Variants in SNX29 observed in about 807,000 individuals in gnomAD.
SNX29 encodes sorting nexin 29.
SNX29 carries 78 observed loss-of-function variants against 102.1 expected under a neutral mutation model. The observed-to-expected ratio is 0.76, with a 90% CI of 0.64 to 0.92. The LOEUF is 0.92. Ranked by LOEUF, SNX29 falls within the 40% of genes least tolerant of loss-of-function variation. The pLI is 0.00. For synonymous variants in SNX29, 580 were observed against 414.5 expected, an observed-to-expected ratio of 1.40 and a Z score of -4.85; for missense variants, 1,280 against 1,061.7, an observed-to-expected ratio of 1.21 and a Z score of -2.86.
chr16:12,349,261 G>A (rs934331323), intron 15 of SNX29, among the ~76,000 whole-genome samples: 2 of 152,214 alleles, frequency 1.3e-5, no homozygotes, highest in African/African-American at 4.8e-5. Context: ...TAATAACTGG[G>A]ATTCAGATTT....
intron 14 of SNX29, among the ~76,000 whole-genome samples, chr16:12,218,444 G>A (rs1309988804): frequency 1.3e-5 from 2 of 152,172 alleles, no homozygotes; most frequent in South Asian, 2.1e-4. Flanking sequence ...AAGTTTTATT[G>A]GATCATGGCC....
intron 16 of SNX29, among the ~76,000 whole-genome samples, chr16:12,364,868 T>C (rs547402839): frequency 6.6e-6 from 1 of 152,302 alleles, no homozygotes; most frequent in Non-Finnish European, 1.5e-5. Flanking sequence ...TGCTGTCGGC[T>C]CCTTCCCCAC....
intron 4 of SNX29, 87 bp from the exon 5 acceptor site, chr16:12,042,810 C>T: frequency 7.2e-7 from 1 of 1,394,368 alleles, no homozygotes; most frequent in South Asian, 1.4e-5. Flanking sequence ...TTACAATCTC[C>T]AACTTCGCCT....
At chr16:12,116,740 C>T (rs1330037914) in intron 11 of SNX29, among the ~76,000 whole-genome samples, 2 of 152,140 alleles carry the variant, frequency 1.3e-5, no homozygotes, top group African/African-American at 2.4e-5. Flanking sequence ...CAGGCTTAGT[C>T]AATACATGCT....
intron 14 of SNX29, among the ~76,000 whole-genome samples, chr16:12,212,207 C>T (rs190374462): frequency 1.3e-4 from 20 of 152,256 alleles, no homozygotes; most frequent in Non-Finnish European, 2.5e-4. Flanking sequence ...AGAAAAAATG[C>T]GCCATGTTCG....
At chr16:12,058,404 T>G (rs1004520355) in intron 8 of SNX29, among the ~76,000 whole-genome samples, 1 of 151,706 alleles carries the variant, frequency 6.6e-6, no homozygotes, top group African/African-American at 2.4e-5. Flanking sequence ...CACCAGATAC[T>G]GAGGCAGTGT....
intron 18 of SNX29, among the ~76,000 whole-genome samples, chr16:12,404,147 C>T (rs780685011): frequency 1.2e-4 from 19 of 152,098 alleles, no homozygotes; most frequent in Non-Finnish European, 2.1e-4. Context: ...AAGGAGATTC[C>T]CCAAATGAGA....
chr16:12,539,579 TTTCATTTCTG>T (rs2077230968), intron 20 of SNX29, among the ~76,000 whole-genome samples: 1 of 152,186 alleles, frequency 6.6e-6, no homozygotes, highest in Non-Finnish European at 1.5e-5. Context: ...GAACAAAAGT[TTTCATTTCTG>T]TGCGGCAAAT....
intron 19 of SNX29, among the ~76,000 whole-genome samples, chr16:12,503,326 A>G (rs1167743255): frequency 6.6e-6 from 1 of 152,110 alleles, no homozygotes; most frequent in Non-Finnish European, 1.5e-5. Context: ...ATTTTTAAGC[A>G]GCTGCTCCAG....
At chr16:12,537,532 A>G (rs1035997626) in intron 20 of SNX29, among the ~76,000 whole-genome samples, 3 of 152,178 alleles carry the variant, frequency 2.0e-5, no homozygotes, top group Non-Finnish European at 4.4e-5. Context: ...TAAAGGAAAT[A>G]TTACCTACTA....
intron 14 of SNX29, among the ~76,000 whole-genome samples, chr16:12,226,508 TTC>T (rs1158020237): frequency 6.6e-6 from 1 of 151,848 alleles, no homozygotes; most frequent in Non-Finnish European, 1.5e-5. Context: ...GAGCCCCAGG[TTC>T]TCTGTTTATT....
At chr16:12,047,201 A>G (rs370107589) in intron 6 of SNX29, among the ~76,000 whole-genome samples, 1 of 152,178 alleles carries the variant, frequency 6.6e-6, no homozygotes, top group Non-Finnish European at 1.5e-5. Flanking sequence ...AGTCGCACAC[A>G]TGACGAGTCA....
At chr16:12,415,699 G>C (rs949447643) in intron 18 of SNX29, among the ~76,000 whole-genome samples, 1 of 152,190 alleles carries the variant, frequency 6.6e-6, no homozygotes, top group South Asian at 2.1e-4. Flanking sequence ...GAGCGGACTT[G>C]GTCAGGCTGA....
chr16:12,549,036 T>C (rs542473245), intron 20 of SNX29, among the ~76,000 whole-genome samples: 1 of 152,348 alleles, frequency 6.6e-6, no homozygotes, highest in Admixed American at 6.5e-5. Flanking sequence ...TGGAGTATCT[T>C]AGGTGAGTCC....
intron 18 of SNX29, among the ~76,000 whole-genome samples, chr16:12,459,278 AGGCCAAGAAATGT>A (rs1396833732): frequency 6.6e-6 from 1 of 151,630 alleles, no homozygotes; most frequent in African/African-American, 2.4e-5. Context: ...AGATCCTCAC[AGGCCAAGAAATGT>A]GGCTATGAAA....
intron 13 of SNX29, among the ~76,000 whole-genome samples, chr16:12,138,095 T>TC (rs2054728256): frequency 6.6e-6 from 1 of 152,138 alleles, no homozygotes. Flanking sequence ...TGCCAAGAAT[T>TC]TGCCATCCAT....
chr16:12,015,404 C>T (rs1043800178), intron 3 of SNX29, among the ~76,000 whole-genome samples: 2 of 151,998 alleles, frequency 1.3e-5, no homozygotes, highest in Admixed American at 6.6e-5. Context: ...CCATGCCTGG[C>T]TAATTTTTGT....
chr16:12,007,730 G>C (rs1373736736), intron 3 of SNX29, among the ~76,000 whole-genome samples: 3 of 152,092 alleles, frequency 2.0e-5, no homozygotes, highest in African/African-American at 7.2e-5. Context: ...TGCAGCCTTA[G>C]GCTCTTCCCA....
At position 12,567,199 on chromosome 16, in the gene SNX29, T is replaced by C. The variant is rs182548843; in HGVS notation, c.2319-1307T>C. Among the ~76,000 whole-genome samples, 95 of 152,248 alleles carry C rather than the reference T, an allele frequency of 6.2e-4. 1 individual carries two copies. Among genetic ancestry groups the C allele is most frequent in the African/African-American group, 2.2e-3 (90 of 41,488 alleles). On this transcript the variant is annotated intron_variant, in intron 20 of 20. Coordinates refer to ENST00000566228, the MANE Select transcript of SNX29 (RefSeq NM_032167.5). Reference sequence around the variant, plus strand: ...GATCTGACATTCTCACTTGGCATCTTTGGTCCTTTCTAAACCACAGATAAG... The same window carrying C: ...GATCTGACATTCTCACTTGGCATCTCTGGTCCTTTCTAAACCACAGATAAG...
Sources: allele counts gnomAD v4.1 joint callset (sites outside exome capture counted in the v4.1 genomes callset), GRCh38; gene constraint gnomAD v4.1.1; transcripts MANE v1.5; gene names NCBI Gene and HGNC (gene_info 2026-07-23, HGNC 2026-07-21).